The following TRABD2B variants were observed in gnomAD, a reference collection of about 807,000 sequenced individuals.
TRABD2B encodes metalloprotease TIKI2.
TRABD2B carries 14 observed loss-of-function variants against 40.1 expected under a neutral mutation model. The observed-to-expected ratio is 0.35, with a 90% CI of 0.23 to 0.55. The LOEUF (loss-of-function observed/expected upper bound fraction) is 0.55, where lower values mean the gene tolerates loss of function less well. Among genes scored for constraint, TRABD2B ranks in the 20% least tolerant of loss-of-function variants. TRABD2B has a pLI of 0.90. For missense variants in TRABD2B, 541 were observed against 648.6 expected, an observed-to-expected ratio of 0.83 and a Z score of 1.80; for synonymous variants, 263 against 277.0, an observed-to-expected ratio of 0.95 and a Z score of 0.50.
At chr1:47,886,529 T>C (rs1444299500) in intron 2 of TRABD2B, among the ~76,000 whole-genome samples, 2 of 152,194 alleles carry the variant, frequency 1.3e-5, no homozygotes, top group Non-Finnish European at 2.9e-5. Context: ...GAGATCCTAT[T>C]ATAAACCACT....
intron 2 of TRABD2B, among the ~76,000 whole-genome samples, chr1:47,938,329 T>C (rs1271748604): frequency 6.6e-6 from 1 of 152,194 alleles, no homozygotes; most frequent in Non-Finnish European, 1.5e-5. Context: ...AAACCACCAC[T>C]GGTTATTTTA....
intron 2 of TRABD2B, among the ~76,000 whole-genome samples, chr1:47,902,701 T>C (rs1644618231): frequency 1.3e-5 from 2 of 152,110 alleles, no homozygotes; most frequent in African/African-American, 2.4e-5. Flanking sequence ...GTTGCCAGGC[T>C]GGTCTTGAAC....
At chr1:47,961,908 G>A (rs952643515) in intron 2 of TRABD2B, among the ~76,000 whole-genome samples, 2 of 152,132 alleles carry the variant, frequency 1.3e-5, no homozygotes, top group Admixed American at 1.3e-4. Context: ...AAAGACACAT[G>A]CACACGTATG....
chr1:47,990,840 G>A lies in TRABD2B; in HGVS notation c.666+3194C>T, dbSNP rs114428581. Among the ~76,000 whole-genome samples, 332 of 99,064 alleles carry A rather than the reference G, an allele frequency of 3.4e-3. 1 individual carries two copies. Among genetic ancestry groups the A allele is most frequent in the African/African-American group, 0.011 (275 of 25,314 alleles). 65.0% of individuals were successfully genotyped at this position (99,064 alleles called of 152,430 possible). A position where few individuals can be genotyped will look rare whatever the true frequency, so the allele number is the denominator to read the frequency against. On this transcript the variant is annotated intron_variant, in intron 2 of 6. Transcript: ENST00000606738. The stretch of plus-strand genomic sequence containing the variant: ...ATATATATATATATATATATAAAAC[G>A]TTGGTTTTAGTGTTGAGGCTGGGAC...
chr1:47,941,018 GCTGT>G, intron 2 of TRABD2B, among the ~76,000 whole-genome samples: 1 of 152,224 alleles, frequency 6.6e-6, no homozygotes, highest in East Asian at 1.9e-4. Context: ...CGACTGGCTG[GCTGT>G]CTCTGTCCCA....
intron 2 of TRABD2B, among the ~76,000 whole-genome samples, chr1:47,993,565 G>A (rs866627171): frequency 2.0e-5 from 3 of 152,082 alleles, no homozygotes; most frequent in Admixed American, 1.3e-4. Context: ...CTCTACTGTC[G>A]CCAGGTCCCA....
At chr1:47,838,769 G>T (rs1026806193) in intron 2 of TRABD2B, among the ~76,000 whole-genome samples, 3 of 152,208 alleles carry the variant, frequency 2.0e-5, no homozygotes, top group Admixed American at 6.5e-5. Flanking sequence ...AAGAGTAAGG[G>T]ACATACTGAG....
At position 47,775,223 on chromosome 1, in the gene TRABD2B, G is replaced by T; in HGVS notation, c.1296C>A (p.Ser432Arg). 3 of 1,248,648 alleles carry T rather than the reference G, an allele frequency of 2.4e-6. No homozygotes were observed. The highest frequency in any genetic ancestry group is 3.0e-6 in the Non-Finnish European group (3 of 995,436). 77.3% of individuals were successfully genotyped at this position (1,248,648 alleles called of 1,614,324 possible). A position where few individuals can be genotyped will look rare whatever the true frequency, so the allele number is the denominator to read the frequency against. ...TGAACTGCCGCGGCCGCTGGTGTGT[G>T]CTCTGCCTCTTGTGCCACTTCCTCT... ...GRQRKWHKRQ[S>R]THQRPRQFND... The change falls in exon 6 of 7, where the codon AGC becomes AGA. Residue 432 changes from serine (S) to arginine (R), a missense_variant. Physicochemically the swap from Ser to Arg is moderately radical, Grantham distance 110 (BLOSUM62 -1). Coordinates refer to ENST00000606738, the MANE Select transcript of TRABD2B (RefSeq NM_001194986.2).
At chr1:47,928,188 TA>T (rs1644994994) in intron 2 of TRABD2B, among the ~76,000 whole-genome samples, 1 of 151,990 alleles carries the variant, frequency 6.6e-6, no homozygotes, top group South Asian at 2.1e-4. Context: ...ACACAGTAAA[TA>T]AGTGGTAGAC....
intron 2 of TRABD2B, among the ~76,000 whole-genome samples, chr1:47,826,459 AAAAG>A (rs1362880474): frequency 6.6e-6 from 1 of 152,180 alleles, no homozygotes; most frequent in African/African-American, 2.4e-5. Context: ...TCAAATAAAT[AAAAG>A]AGAGTTTGAG....
chr1:47,901,622 A>G (rs1013880396), intron 2 of TRABD2B, among the ~76,000 whole-genome samples: 1 of 152,212 alleles, frequency 6.6e-6, no homozygotes, highest in Admixed American at 6.5e-5. Flanking sequence ...CCTGCACTCA[A>G]GGAGTTCATG....
At chr1:47,891,187 G>C (rs1210524863) in intron 2 of TRABD2B, among the ~76,000 whole-genome samples, 2 of 152,188 alleles carry the variant, frequency 1.3e-5, no homozygotes, top group African/African-American at 2.4e-5. Flanking sequence ...TATTAGCTGT[G>C]AAAATGTGCC....
At chr1:47,962,653 G>C (rs1255705100) in intron 2 of TRABD2B, among the ~76,000 whole-genome samples, 2 of 152,192 alleles carry the variant, frequency 1.3e-5, no homozygotes, top group African/African-American at 2.4e-5. Flanking sequence ...GCAACCCTTT[G>C]AAGTAGGTAC....
intron 2 of TRABD2B, among the ~76,000 whole-genome samples, chr1:47,812,836 G>A (rs1267401017): frequency 6.6e-6 from 1 of 152,170 alleles, no homozygotes; most frequent in East Asian, 1.9e-4. Flanking sequence ...CAGTAGTGGA[G>A]GGTCTTCAAT....
At chr1:47,919,749 A>G (rs1447107481) in intron 2 of TRABD2B, among the ~76,000 whole-genome samples, 3 of 152,238 alleles carry the variant, frequency 2.0e-5, no homozygotes, top group Non-Finnish European at 4.4e-5. Context: ...TCACTGCTCC[A>G]GTCAGCTCCT....
intron 2 of TRABD2B, among the ~76,000 whole-genome samples, chr1:47,859,027 A>G (rs1643928166): frequency 6.6e-6 from 1 of 152,102 alleles, no homozygotes; most frequent in Non-Finnish European, 1.5e-5. Context: ...CTGGTCTTTG[A>G]GCCTGCTTAG....
intron 2 of TRABD2B, among the ~76,000 whole-genome samples, chr1:47,816,492 T>C (rs1365112713): frequency 6.6e-6 from 1 of 152,226 alleles, no homozygotes; most frequent in Non-Finnish European, 1.5e-5. Flanking sequence ...ATAGTTTTTT[T>C]GAATGTGCAA....
At chr1:47,937,064 C>T (rs1557667309) in intron 2 of TRABD2B, among the ~76,000 whole-genome samples, 2 of 143,730 alleles carry the variant, frequency 1.4e-5, no homozygotes, top group African/African-American at 5.1e-5. Context: ...TCATTATCAT[C>T]ATTATCACCA....
chr1:47,823,164 T>TCTG (rs1379765176), intron 2 of TRABD2B, among the ~76,000 whole-genome samples: 6 of 152,250 alleles, frequency 3.9e-5, no homozygotes, highest in African/African-American at 1.2e-4. Flanking sequence ...TGCCTGGAGA[T>TCTG]CTGCTGCAGG....
Sources: gnomAD v4.1 joint callset for allele counts (sites outside exome capture counted in the v4.1 genomes callset) on GRCh38, gnomAD v4.1.1 for gene constraint, MANE v1.5 for transcripts, NCBI Gene and HGNC (gene_info 2026-07-23, HGNC 2026-07-21) for gene names.